The following CTNNA3 variants were observed in gnomAD, a reference collection of about 807,000 sequenced individuals.
CTNNA3 encodes the protein catenin alpha-3.
A neutral mutation model predicts 95.7 loss-of-function variants in CTNNA3; 76 were observed. The observed-to-expected ratio is 0.79, with a 90% CI of 0.66 to 0.96. CTNNA3 has a LOEUF of 0.96. Among genes scored for constraint, CTNNA3 ranks in the 40% least tolerant of loss-of-function variants. The probability of loss-of-function intolerance (pLI) is 0.00; values close to 1 mark genes in which losing one functional copy is unlikely to be tolerated. For synonymous variants in CTNNA3, 431 were observed against 374.4 expected, an observed-to-expected ratio of 1.15 and a Z score of -1.74; for missense variants, 1,191 against 1,089.8, an observed-to-expected ratio of 1.09 and a Z score of -1.31.
chr10:67,215,441 AT>A (rs1324121667), intron 6 of CTNNA3, among the ~76,000 whole-genome samples: 2 of 152,124 alleles, frequency 1.3e-5, no homozygotes, highest in African/African-American at 2.4e-5. Context: ...CCGTATGAGA[AT>A]TTTTTGAAAG....
At chr10:66,403,598 C>T (rs2441752) in intron 11 of CTNNA3, among the ~76,000 whole-genome samples, 98,124 of 151,952 alleles carry the variant, frequency 0.65, 33,320 homozygotes, top group East Asian at 0.88. Context: ...CCTCAACACA[C>T]GGGGATTACA....
chr10:66,076,442 T>C (rs189527034), intron 14 of CTNNA3, among the ~76,000 whole-genome samples: 1 of 151,858 alleles, frequency 6.6e-6, no homozygotes, highest in African/African-American at 2.4e-5. Flanking sequence ...TTTTCTGTAA[T>C]ATTTTAAAAT....
intron 9 of CTNNA3, among the ~76,000 whole-genome samples, chr10:66,655,589 T>C (rs1306659389): frequency 6.6e-6 from 1 of 152,014 alleles, no homozygotes; most frequent in African/African-American, 2.4e-5. Context: ...ATGAATGCAG[T>C]ATGATTAAAA....
At chr10:66,062,023 G>A (rs555085100) in intron 15 of CTNNA3, among the ~76,000 whole-genome samples, 2 of 152,102 alleles carry the variant, frequency 1.3e-5, no homozygotes, top group East Asian at 3.9e-4. Context: ...TTCTGAAGTC[G>A]GACCAACCTC....
At chr10:66,663,659 C>G (rs900678792) in intron 9 of CTNNA3, among the ~76,000 whole-genome samples, 2 of 152,016 alleles carry the variant, frequency 1.3e-5, no homozygotes, top group African/African-American at 4.8e-5. Context: ...ATTTTTATCT[C>G]TTGTTTTCTA....
intron 5 of CTNNA3, among the ~76,000 whole-genome samples, chr10:67,285,694 G>A (rs1408990239): frequency 6.6e-6 from 1 of 152,164 alleles, no homozygotes; most frequent in Non-Finnish European, 1.5e-5. Flanking sequence ...AAATATGTTT[G>A]TACTGACTCA....
chr10:67,698,778 C>A (rs182814652), upstream of CTNNA3, among the ~76,000 whole-genome samples: 440 of 152,072 alleles, frequency 2.9e-3, 1 homozygote, highest in Non-Finnish European at 5.1e-3. Flanking sequence ...ACTTCTGGCA[C>A]CTTGTCAGGT....
At chr10:67,158,283 A>AGGC (rs1861394426) in intron 7 of CTNNA3, among the ~76,000 whole-genome samples, 1 of 152,142 alleles carries the variant, frequency 6.6e-6, no homozygotes, top group East Asian at 1.9e-4. Context: ...AAAATTATAT[A>AGGC]ATACTATAGG....
chr10:66,431,009 C>A (rs1380734186), intron 11 of CTNNA3, among the ~76,000 whole-genome samples: 1 of 150,468 alleles, frequency 6.6e-6, no homozygotes, highest in Non-Finnish European at 1.5e-5. Flanking sequence ...ACTCATCTGA[C>A]AAAGGGCTAA....
chr10:67,003,647 CAAGT>C (rs1246988975), intron 7 of CTNNA3, among the ~76,000 whole-genome samples: 15 of 152,232 alleles, frequency 9.9e-5, no homozygotes, highest in African/African-American at 3.6e-4. Flanking sequence ...ATTACTTTTT[CAAGT>C]GAGTCTTATT....
chr10:67,535,356 G>A (rs990078528), intron 4 of CTNNA3, among the ~76,000 whole-genome samples: 3 of 151,948 alleles, frequency 2.0e-5, no homozygotes, highest in Admixed American at 2.0e-4. Flanking sequence ...TATCAGGTTA[G>A]GAAAGGAAGA....
rs1855839880 is a variant in CTNNA3, at chr10:67,062,827, T to C, written c.1047+117490A>G. On this transcript the variant is annotated intron_variant, in intron 7 of 17. Coordinates refer to ENST00000433211, the MANE Select transcript of CTNNA3 (RefSeq NM_013266.4). ...GATGAGAAAGAAAAATTAATTTTCCTCCAACAACAGCTGGAAGGCAGGTGT... is the reference window on the plus strand; with the variant it reads ...GATGAGAAAGAAAAATTAATTTTCCCCCAACAACAGCTGGAAGGCAGGTGT... Among the ~76,000 whole-genome samples, 11 of 152,166 alleles carry C rather than the reference T, an allele frequency of 7.2e-5. No individual in the cohort carries two copies. The South Asian group carries it at 2.3e-3, about 32-fold the overall frequency.
intron 9 of CTNNA3, among the ~76,000 whole-genome samples, chr10:66,676,383 T>C (rs1357461604): frequency 6.6e-6 from 1 of 152,084 alleles, no homozygotes; most frequent in Non-Finnish European, 1.5e-5. Context: ...CTAGTTACTG[T>C]ACCTTAATCA....
chr10:67,170,968 G>A (rs1230429224), intron 7 of CTNNA3, among the ~76,000 whole-genome samples: 2 of 152,110 alleles, frequency 1.3e-5, no homozygotes, highest in East Asian at 1.9e-4. Flanking sequence ...TCATTATGAT[G>A]TTTATATTGA....
At chr10:67,062,971 T>G (rs1281362531) in intron 7 of CTNNA3, among the ~76,000 whole-genome samples, 1 of 151,948 alleles carries the variant, frequency 6.6e-6, no homozygotes, top group African/African-American at 2.4e-5. Flanking sequence ...GTTAATCGTT[T>G]TGTTTTTTTT....
intron 1 of CTNNA3, among the ~76,000 whole-genome samples, chr10:67,709,502 A>G (rs1292998064): frequency 6.6e-6 from 1 of 152,172 alleles, no homozygotes; most frequent in Non-Finnish European, 1.5e-5. Context: ...ACAAAACTGT[A>G]GCTGACCTTC....
chr10:66,582,238 T>C (rs1843213563), intron 10 of CTNNA3, among the ~76,000 whole-genome samples: 2 of 151,920 alleles, frequency 1.3e-5, no homozygotes, highest in Admixed American at 1.3e-4. Flanking sequence ...TTGGAGTGTA[T>C]GGTCATTTTC....
At chr10:66,779,153 T>C (rs1355057389) in intron 7 of CTNNA3, among the ~76,000 whole-genome samples, 1 of 152,148 alleles carries the variant, frequency 6.6e-6, no homozygotes, top group Non-Finnish European at 1.5e-5. Flanking sequence ...AACAAAGTCT[T>C]GATCATTGTG....
intron 5 of CTNNA3, among the ~76,000 whole-genome samples, chr10:67,428,489 A>G (rs1845996364): frequency 6.6e-6 from 1 of 152,236 alleles, no homozygotes; most frequent in South Asian, 2.1e-4. Flanking sequence ...TTGTAGTTGT[A>G]AAGGGAAATA....
Sources: allele counts gnomAD v4.1 joint callset (sites outside exome capture counted in the v4.1 genomes callset), GRCh38; gene constraint gnomAD v4.1.1; transcripts MANE v1.5; gene names NCBI Gene and HGNC (gene_info 2026-07-23, HGNC 2026-07-21).